The following PLXNC1 variants were observed in gnomAD, a reference collection of about 807,000 sequenced individuals.
PLXNC1 encodes plexin C1.
PLXNC1 carries 75 observed loss-of-function variants against 178.2 expected under a neutral mutation model. The ratio of observed to expected loss-of-function variants is 0.42; its 90% CI spans 0.35 to 0.51. The LOEUF (loss-of-function observed/expected upper bound fraction) is 0.51, where lower values mean the gene tolerates loss of function less well. Ranked by LOEUF, PLXNC1 falls within the 20% of genes least tolerant of loss-of-function variation. PLXNC1 has a pLI of 0.02. For missense variants in PLXNC1, 1,503 were observed against 1,984.4 expected (o/e 0.76, Z 4.61); for synonymous variants, 790 against 779.9 (o/e 1.01, Z -0.22).
At chr12:94,302,936 C>T (rs1968613606) in intron 28 of PLXNC1, among the ~76,000 whole-genome samples, 1 of 152,124 alleles carries the variant, frequency 6.6e-6, no homozygotes, top group Non-Finnish European at 1.5e-5. Context: ...TTAAATTTGA[C>T]AAATGAGAAA....
intron 9 of PLXNC1, among the ~76,000 whole-genome samples, chr12:94,228,181 A>G (rs12099862): frequency 0.2 from 30,268 of 152,194 alleles, 3,356 homozygotes; most frequent in East Asian, 0.37. Context: ...ATATGAATCA[A>G]ATGGATATGA....
At chr12:94,212,328 T>A (rs1182259256) in intron 5 of PLXNC1, among the ~76,000 whole-genome samples, 1 of 151,434 alleles carries the variant, frequency 6.6e-6, no homozygotes, top group Admixed American at 6.6e-5. Context: ...AAATTATTAT[T>A]GTTATTATTT....
intron 1 of PLXNC1, chr12:94,158,159 C>A: frequency 6.6e-6 from 1 of 152,260 alleles, no homozygotes; most frequent in Non-Finnish European, 1.5e-5. Flanking sequence ...CGTGGAAGTC[C>A]CAAAAAGAGG....
intron 4 of PLXNC1, among the ~76,000 whole-genome samples, chr12:94,193,962 G>A (rs1962820193): frequency 6.6e-6 from 1 of 152,166 alleles, no homozygotes; most frequent in South Asian, 2.1e-4. Context: ...TGAAATACCT[G>A]AGACTGGGTA....
At chr12:94,199,453 G>A (rs1437145853) in intron 4 of PLXNC1, among the ~76,000 whole-genome samples, 2 of 152,046 alleles carry the variant, frequency 1.3e-5, no homozygotes, top group Non-Finnish European at 2.9e-5. Flanking sequence ...GGGTGGAAGC[G>A]GTGGGGAGCA....
chr12:94,277,461 C>T (rs187890629), intron 21 of PLXNC1, among the ~76,000 whole-genome samples: 5 of 152,222 alleles, frequency 3.3e-5, no homozygotes, highest in African/African-American at 9.7e-5. Flanking sequence ...CCATAAGTCA[C>T]GGGCTCACAT....
intron 4 of PLXNC1, among the ~76,000 whole-genome samples, chr12:94,204,629 C>T (rs1278897227): frequency 1.3e-5 from 2 of 152,188 alleles, no homozygotes; most frequent in African/African-American, 4.8e-5. Context: ...TTCCTATTCT[C>T]GTCCATTCAG....
At chr12:94,294,412 C>A (rs1477902845) in intron 23 of PLXNC1, 74 bp from the exon 24 acceptor site, 2 of 669,092 alleles carry the variant, frequency 3.0e-6, no homozygotes, top group Non-Finnish European at 5.5e-6. Flanking sequence ...TCCATCCAGC[C>A]ATCTAATTCC....
At chr12:94,264,938 C>T (rs1342790306) in intron 20 of PLXNC1, 141 bp from the exon 21 acceptor site, 68 of 820,822 alleles carry the variant, frequency 8.3e-5, no homozygotes, top group Non-Finnish European at 1.1e-4. Context: ...AGTGGAGCAA[C>T]GTGTATTTTC....
intron 1 of PLXNC1, among the ~76,000 whole-genome samples, chr12:94,154,503 T>A (rs1406630434): frequency 1.3e-5 from 2 of 152,180 alleles, no homozygotes; most frequent in Non-Finnish European, 2.9e-5. Flanking sequence ...GAAATGGGAT[T>A]CCCCACTTAT....
In PLXNC1 at chr12:94,177,053, A is replaced by ATGTG. The variant is rs63244061; in HGVS notation, c.1204-4371_1204-4368dup. Among the ~76,000 whole-genome samples the ATGTG allele has an allele frequency of 3.3e-4, 45 of 137,492 alleles. 1 individual carries two copies. In the South Asian group the frequency reaches 8.0e-3, roughly 25 times the overall value. The allele number at this position is 137,492 out of a possible 152,430, so 90.2% of individuals were successfully genotyped here. ...AATGAATATATGTCATTTCATATAT[A>ATGTG]TGTGTGTGTGTGTGTGTGTGTGTGT... On this transcript the variant is annotated intron_variant, in intron 2 of 30. Coordinates refer to ENST00000258526, the MANE Select transcript of PLXNC1 (RefSeq NM_005761.3).
At chr12:94,288,978 T>C (rs1358867406) in intron 23 of PLXNC1, among the ~76,000 whole-genome samples, 2 of 152,246 alleles carry the variant, frequency 1.3e-5, no homozygotes, top group African/African-American at 4.8e-5. Context: ...TCATAAAATT[T>C]ATAGCTACAA....
chr12:94,197,975 T>G (rs1962978443), intron 4 of PLXNC1, among the ~76,000 whole-genome samples: 1 of 152,172 alleles, frequency 6.6e-6, no homozygotes, highest in Admixed American at 6.5e-5. Context: ...TGCATTCATT[T>G]AACAGGTATT....
chr12:94,275,636 G>A (rs1043260584), intron 21 of PLXNC1, among the ~76,000 whole-genome samples: 1 of 138,886 alleles, frequency 7.2e-6, no homozygotes. Context: ...GGCGGATCAC[G>A]AGGTCAGGAG....
intron 1 of PLXNC1, among the ~76,000 whole-genome samples, chr12:94,159,441 C>T (rs911814500): frequency 4.6e-5 from 7 of 152,012 alleles, no homozygotes; most frequent in Admixed American, 1.3e-4. Context: ...TAAGAAAGGC[C>T]GGTTGCAGGT....
In PLXNC1 at chr12:94,285,211, CCT is replaced by C. The variant is rs1030054149; in HGVS notation, c.3879+2811_3879+2812del. On this transcript the variant is annotated intron_variant, in intron 23 of 30. Transcript: ENST00000258526. ...CAGCACACCGGGAGGGTAGGGACCCCCTGTTTTTCATGGCTGTACAGTCCCAG... is the reference window on the plus strand; with the variant it reads ...CAGCACACCGGGAGGGTAGGGACCCCGTTTTTCATGGCTGTACAGTCCCAG... Among the ~76,000 whole-genome samples, 21 of 152,234 alleles carry C rather than the reference CCT, an allele frequency of 1.4e-4. 1 individual carries two copies. The highest frequency in any genetic ancestry group is 6.5e-4 in the Admixed American group (10 of 15,302).
chr12:94,197,434 C>CCCCTCTCTCT (rs1555198019), intron 4 of PLXNC1, among the ~76,000 whole-genome samples: 4 of 10,538 alleles, frequency 3.8e-4, no homozygotes, highest in African/African-American at 8.6e-4. Flanking sequence ...ACATTAGGCC[C>CCCCTCTCTCT]CTTTCTCTCT....
At chr12:94,210,036 A>G (rs574445247) in intron 5 of PLXNC1, among the ~76,000 whole-genome samples, 3 of 152,364 alleles carry the variant, frequency 2.0e-5, no homozygotes, top group South Asian at 2.1e-4. Context: ...TTTGAAAATA[A>G]AGAAAAAAGA....
At chr12:94,204,373 G>T (rs1027558050) in intron 4 of PLXNC1, among the ~76,000 whole-genome samples, 2 of 152,182 alleles carry the variant, frequency 1.3e-5, no homozygotes, top group Non-Finnish European at 2.9e-5. Context: ...GAGGTTTGTT[G>T]TGAATAATAA....
Sources: gnomAD v4.1 joint callset for allele counts (sites outside exome capture counted in the v4.1 genomes callset) on GRCh38, gnomAD v4.1.1 for gene constraint, MANE v1.5 for transcripts, NCBI Gene and HGNC (gene_info 2026-07-23, HGNC 2026-07-21) for gene names.